The following REPS1 variants were observed in gnomAD, a reference collection of about 807,000 sequenced individuals.
REPS1 encodes RALBP1 associated Eps domain containing 1.
A neutral mutation model predicts 100.9 loss-of-function variants in REPS1; 39 were observed. The observed-to-expected ratio is 0.39, with a 90% CI of 0.30 to 0.50. The LOEUF (loss-of-function observed/expected upper bound fraction) is 0.50, where lower values mean the gene tolerates loss of function less well. REPS1 is among the 20% of genes least tolerant of loss of function. REPS1 has a pLI of 0.86. For synonymous variants in REPS1, 324 were observed against 340.3 expected (o/e 0.95, Z 0.53); for missense variants, 821 against 968.5 (o/e 0.85, Z 2.02).
At chr6:138,924,904 G>T (rs727530) in intron 10 of REPS1, among the ~76,000 whole-genome samples, 1 of 152,042 alleles carries the variant, frequency 6.6e-6, no homozygotes, top group Non-Finnish European at 1.5e-5. Context: ...AAGAAATGAG[G>T]AGCAAAAGGC....
At chr6:138,920,396 T>C in intron 11 of REPS1, 80 bp from the exon 12 acceptor site, 1 of 598,238 alleles carries the variant, frequency 1.7e-6, no homozygotes, top group Non-Finnish European at 2.9e-6. Context: ...GTGTAAGACT[T>C]CATTTAAATA....
At chr6:138,973,274 G>A (rs1411648735) in intron 1 of REPS1, among the ~76,000 whole-genome samples, 1 of 152,088 alleles carries the variant, frequency 6.6e-6, no homozygotes, top group African/African-American at 2.4e-5. Context: ...TTATTTCAAA[G>A]ACCTTTCTAA....
intron 1 of REPS1, among the ~76,000 whole-genome samples, chr6:138,969,642 A>G (rs1431854579): frequency 6.6e-6 from 1 of 152,002 alleles, no homozygotes; most frequent in African/African-American, 2.4e-5. Flanking sequence ...AAGCTTTGCC[A>G]TCGCATGAAA....
At chr6:138,921,214 G>C in intron 10 of REPS1, 90 bp from the exon 11 acceptor site, 1 of 810,056 alleles carries the variant, frequency 1.2e-6, no homozygotes, top group East Asian at 2.6e-5. Context: ...CTAAAAACCA[G>C]TGGACAGGCT....
chr6:138,977,429 G>A (rs1784656826), intron 1 of REPS1, among the ~76,000 whole-genome samples: 1 of 152,156 alleles, frequency 6.6e-6, no homozygotes, highest in Admixed American at 6.5e-5. Flanking sequence ...AAACACCTGG[G>A]CTTAAGCTAT....
intron 4 of REPS1, 128 bp from the exon 5 acceptor site, chr6:138,944,750 G>A: frequency 1.3e-6 from 1 of 783,046 alleles, no homozygotes; most frequent in Non-Finnish European, 2.0e-6. Flanking sequence ...TGTTCTATTA[G>A]AAATTATACC....
chr6:138,967,195 G>A (rs1445986063), intron 1 of REPS1, among the ~76,000 whole-genome samples: 3 of 152,170 alleles, frequency 2.0e-5, no homozygotes, highest in Non-Finnish European at 2.9e-5. Context: ...TGAGCTCCTC[G>A]ACCATGGACT....
At chr6:138,957,001 T>A (rs1420221822) in intron 1 of REPS1, among the ~76,000 whole-genome samples, 4 of 151,154 alleles carry the variant, frequency 2.6e-5, no homozygotes, top group African/African-American at 9.7e-5. Flanking sequence ...GAAAAATGTC[T>A]CCAGAAGTAG....
chr6:138,982,557 C>T (rs572129075), intron 1 of REPS1, among the ~76,000 whole-genome samples: 1 of 152,246 alleles, frequency 6.6e-6, no homozygotes, highest in East Asian at 1.9e-4. Context: ...CTTTAAAAAA[C>T]AAAATAAACT....
chr6:138,976,434 T>G (rs773477822), intron 1 of REPS1, among the ~76,000 whole-genome samples: 1 of 152,158 alleles, frequency 6.6e-6, no homozygotes, highest in Non-Finnish European at 1.5e-5. Context: ...TCCCTTTAAG[T>G]AACATTAGAA....
chr6:138,953,770 T>C (rs1203090737), intron 1 of REPS1, among the ~76,000 whole-genome samples: 2 of 151,514 alleles, frequency 1.3e-5, no homozygotes, highest in East Asian at 3.9e-4. Context: ...ATAACCACTA[T>C]GGAGAACAGT....
chr6:138,948,295 T>C (rs186059676), intron 1 of REPS1, among the ~76,000 whole-genome samples: 1 of 152,126 alleles, frequency 6.6e-6, no homozygotes, highest in Admixed American at 6.5e-5. Context: ...CTTTAAATGA[T>C]ATAACAACAT....
At chr6:138,922,799 G>GGAT (rs762750327) in intron 10 of REPS1, among the ~76,000 whole-genome samples, 1 of 152,224 alleles carries the variant, frequency 6.6e-6, no homozygotes, top group Non-Finnish European at 1.5e-5. Flanking sequence ...TTAGTGTGGA[G>GGAT]GATAATGGCC....
rs527314372 is a variant in REPS1, at chr6:138,925,161, C to T, written c.1338+1240G>A. On this transcript the variant is annotated intron_variant, in intron 10 of 19. Transcript: ENST00000450536. ...AGGAGTTCAAGATCAGCCTGGCCAA[C>T]ATGGTGAAACCCCGCCTCTACTAAA... is the stretch of plus-strand genomic sequence containing the variant. Among the ~76,000 whole-genome samples the T allele has an allele frequency of 1.6e-4, 24 of 149,774 alleles. No homozygotes were observed. The East Asian group carries it at 2.2e-3, about 14-fold the overall frequency.
At chr6:138,957,952 A>G (rs898069896) in intron 1 of REPS1, among the ~76,000 whole-genome samples, 3 of 152,246 alleles carry the variant, frequency 2.0e-5, no homozygotes, top group Non-Finnish European at 4.4e-5. Flanking sequence ...TTAATATTAC[A>G]TATGTGAAAG....
chr6:138,911,659 T>A (rs1780015732), intron 16 of REPS1, among the ~76,000 whole-genome samples: 2 of 144,816 alleles, frequency 1.4e-5, no homozygotes, highest in Admixed American at 6.8e-5. Flanking sequence ...GTAACAGATG[T>A]GTGAGGGAGA....
chr6:138,975,304 T>C (rs1200436669), intron 1 of REPS1, among the ~76,000 whole-genome samples: 1 of 152,268 alleles, frequency 6.6e-6, no homozygotes, highest in East Asian at 1.9e-4. Flanking sequence ...GTGCTAAACT[T>C]CACTTCAAGA....
intron 9 of REPS1, chr6:138,927,799 A>T (rs769180775): frequency 2.0e-5 from 3 of 152,226 alleles, no homozygotes; most frequent in African/African-American, 4.8e-5. Context: ...AATTACTTTT[A>T]TCATGCGGCA....
At chr6:138,952,502 C>T (rs1009303131) in intron 1 of REPS1, among the ~76,000 whole-genome samples, 7 of 151,906 alleles carry the variant, frequency 4.6e-5, no homozygotes, top group Non-Finnish European at 8.8e-5. Flanking sequence ...TGGGTACAAG[C>T]GATTCTCCTG....
Sources: allele counts gnomAD v4.1 joint callset (sites outside exome capture counted in the v4.1 genomes callset), GRCh38; gene constraint gnomAD v4.1.1; transcripts MANE v1.5; gene names NCBI Gene and HGNC (gene_info 2026-07-23, HGNC 2026-07-21).